Variants in PRKAG1 observed in about 807,000 individuals in gnomAD.
The protein encoded by PRKAG1 is protein kinase AMP-activated non-catalytic subunit gamma 1.
In PRKAG1, 27 loss-of-function variants were observed where a neutral mutation model predicts 48.2. The ratio of observed to expected loss-of-function variants is 0.56; its 90% CI spans 0.41 to 0.77. The LOEUF (loss-of-function observed/expected upper bound fraction) is 0.77. Among genes scored for constraint, PRKAG1 ranks in the 30% least tolerant of loss-of-function variants. The probability of loss-of-function intolerance (pLI) is 0.00; values close to 1 mark genes in which losing one functional copy is unlikely to be tolerated. For missense variants in PRKAG1, 287 were observed against 398.3 expected (o/e 0.72, Z 2.38); for synonymous variants, 130 against 147.7 (o/e 0.88, Z 0.87).
intron 1 of PRKAG1, 75 bp from the exon 2 acceptor site, chr12:49,013,185 T>C (rs1941828256): frequency 7.6e-7 from 1 of 1,313,206 alleles, no homozygotes; most frequent in African/African-American, 1.5e-5. Context: ...GGGGAAGGGC[T>C]GGTGAACAAA....
rs770730517 is a variant in PRKAG1, at chr12:49,005,720, A to C, written c.168+23T>G. 7 of 1,609,354 alleles carry C rather than the reference A, an allele frequency of 4.3e-6. No homozygotes were observed. The highest frequency in any genetic ancestry group is 5.1e-6 in the Non-Finnish European group (6 of 1,175,614). On this transcript the variant is annotated intron_variant, in intron 3 of 11. Coordinates refer to ENST00000548065, the MANE Select transcript of PRKAG1 (RefSeq NM_002733.5). This position sits in a 1 kb window ranked among gnomAD's most constrained non-coding sequence, Gnocchi z 4.1. ...TTAAACCACAGGCTCCAAAGGGGGAAGGGAAAAGAGGATTTCACCCACCTG... is the reference window on the plus strand; with the variant it reads ...TTAAACCACAGGCTCCAAAGGGGGACGGGAAAAGAGGATTTCACCCACCTG...
intron 2 of PRKAG1, among the ~76,000 whole-genome samples, chr12:49,007,678 C>T (rs1220099223): frequency 7.2e-5 from 11 of 151,838 alleles, no homozygotes; most frequent in Admixed American, 7.2e-4. Flanking sequence ...AAATAACATG[C>T]TTGTATTGCT....
At chr12:49,017,315 C>A in intron 1 of PRKAG1, 2 of 421,624 alleles carry the variant, frequency 4.7e-6, no homozygotes, top group South Asian at 3.4e-5. Context: ...ATCCTCCCAC[C>A]TGAGCCTCCC....
In PRKAG1 at chr12:49,005,621, G is replaced by C. The variant is rs757362889; in HGVS notation, c.169-78C>G. On this transcript the variant is annotated intron_variant, in intron 3 of 11. Coordinates refer to ENST00000548065, the MANE Select transcript of PRKAG1 (RefSeq NM_002733.5). The surrounding 1 kb of genome is among the most constrained non-coding windows in gnomAD (Gnocchi z 4.1). ...TAAAAAAAGAACAGTGTTTGGGCAT[G>C]TTGGGTAAAACATGAGACTAACTTC... The C allele has an allele frequency of 6.2e-7, 1 of 1,613,232 alleles. No homozygotes were observed. Among genetic ancestry groups the C allele is most frequent in the African/African-American group, 1.3e-5 (1 of 75,006 alleles).
intron 8 of PRKAG1, chr12:49,004,243 G>C: frequency 1.9e-6 from 1 of 534,168 alleles, no homozygotes; most frequent in South Asian, 2.5e-5. Flanking sequence ...AGTGAGCCAT[G>C]ATAGCGCCTC....
intron 2 of PRKAG1, 60 bp downstream of exon 2, chr12:49,013,002 G>T: frequency 6.8e-7 from 1 of 1,480,864 alleles, no homozygotes. Context: ...CATTGTTGAA[G>T]ACATTGTTAG....
chr12:49,013,037 A>C, intron 2 of PRKAG1, 25 bp downstream of exon 2: 4 of 1,596,004 alleles, frequency 2.5e-6, no homozygotes, highest in Non-Finnish European at 3.4e-6. Context: ...TTTCATGCCC[A>C]GTTTCCTTTC....
chr12:49,016,862 T>C (rs1000756521), intron 1 of PRKAG1: 8 of 274,144 alleles, frequency 2.9e-5, no homozygotes, highest in African/African-American at 1.8e-4. Context: ...AAAGTTCAAA[T>C]TTAGCATGGT....
chr12:49,009,015 T>G (rs888520180), intron 2 of PRKAG1, among the ~76,000 whole-genome samples: 3 of 152,130 alleles, frequency 2.0e-5, no homozygotes, highest in Admixed American at 2.0e-4. Context: ...CTTCCCTCTG[T>G]GTTGCCATTT....
chr12:49,014,299 C>T (rs1941880613), intron 1 of PRKAG1, among the ~76,000 whole-genome samples: 2 of 152,236 alleles, frequency 1.3e-5, no homozygotes, highest in African/African-American at 4.8e-5. Flanking sequence ...AGAAATGCTT[C>T]TATCCACTTC....
chr12:49,015,070 G>A (rs763479472), intron 1 of PRKAG1, among the ~76,000 whole-genome samples: 4 of 152,216 alleles, frequency 2.6e-5, no homozygotes, highest in Non-Finnish European at 4.4e-5. Flanking sequence ...CTAGGGGAGA[G>A]TGCAGGGAGT....
In PRKAG1 at chr12:49,003,134, G is replaced by A. The variant is rs202203312; in HGVS notation, c.888+10C>T. On this transcript the variant is annotated intron_variant, in intron 11 of 11. Transcript: ENST00000548065. ...CCCCTCAGCTCCTTTAGGGTTGCTG[G>A]CCTCCCTACCTCTGCTTCCACTAGC... is the stretch of plus-strand genomic sequence containing the variant. The A allele has an allele frequency of 9.9e-6, 16 of 1,614,124 alleles. No homozygotes were observed. Among genetic ancestry groups the A allele is most frequent in the Non-Finnish European group, 1.3e-5 (15 of 1,180,014 alleles).
In PRKAG1 at chr12:49,003,653, C is replaced by T; in HGVS notation, c.704-58G>A. ...TCTGGGATCTAAAGCTCCCCCTACT[C>T]ATAGAATCACCCTCCTGGCTAAGCT... On this transcript the variant is annotated intron_variant, in intron 9 of 11. Transcript: ENST00000548065. The T allele has an allele frequency of 3.7e-6, 6 of 1,611,608 alleles. No homozygotes were observed. In the South Asian group the frequency reaches 5.5e-5, roughly 15 times the overall value.
intron 1 of PRKAG1, among the ~76,000 whole-genome samples, chr12:49,015,317 T>C (rs922448054): frequency 2.0e-5 from 3 of 152,246 alleles, no homozygotes; most frequent in African/African-American, 7.2e-5. Flanking sequence ...CTACAGTTAT[T>C]TTGTTCATTA....
chr12:49,005,603 A>G lies in PRKAG1; in HGVS notation c.169-60T>C. ...TCCACAGGGGCAGGACTGTAAAAAA[A>G]GAACAGTGTTTGGGCATGTTGGGTA... On this transcript the variant is annotated intron_variant, in intron 3 of 11. Coordinates refer to ENST00000548065, the MANE Select transcript of PRKAG1 (RefSeq NM_002733.5). This position sits in a 1 kb window ranked among gnomAD's most constrained non-coding sequence, Gnocchi z 4.1. 6.2e-7 allele frequency: 1 copy of G among 1,613,806 alleles called. No homozygotes were observed. Among genetic ancestry groups the G allele is most frequent in the Admixed American group, 1.7e-5 (1 of 59,982 alleles).
At chr12:49,003,461 C>T (rs1224802015) in intron 10 of PRKAG1, 97 bp downstream of exon 10, 1 of 1,557,900 alleles carries the variant, frequency 6.4e-7, no homozygotes. Flanking sequence ...TTCTAAGACC[C>T]TTAGATCACA....
At chr12:49,017,233 C>T (rs1942018274) in intron 1 of PRKAG1, 1 of 455,764 alleles carries the variant, frequency 2.2e-6, no homozygotes, top group Non-Finnish European at 4.4e-6. Flanking sequence ...CAGGATCTCA[C>T]TGTGTCACTC....
chr12:49,016,048 C>T (rs1479435789), intron 1 of PRKAG1, among the ~76,000 whole-genome samples: 13 of 151,874 alleles, frequency 8.6e-5, no homozygotes, highest in Non-Finnish European at 2.9e-5. Context: ...CCAGCTTCTC[C>T]GACTTCTGCC....
At chr12:49,016,502 C>A (rs1416852974) in intron 1 of PRKAG1, 2 of 152,254 alleles carry the variant, frequency 1.3e-5, no homozygotes, top group Non-Finnish European at 2.9e-5. Context: ...TTTTGCACAG[C>A]TGTCTTCTTA....
Sources: gnomAD v4.1 joint callset for allele counts (sites outside exome capture counted in the v4.1 genomes callset) on GRCh38, gnomAD v4.1.1 for gene constraint, Gnocchi (gnomAD v3.1) non-coding constraint, MANE v1.5 for transcripts, NCBI Gene and HGNC (gene_info 2026-07-23, HGNC 2026-07-21) for gene names.